Variants in ADAMTSL1 observed in about 807,000 individuals in gnomAD.
ADAMTSL1 encodes the protein ADAMTS like 1.
Under a neutral mutation model 201.8 loss-of-function variants are expected in ADAMTSL1, and 126 were observed. That is an observed-to-expected ratio of 0.62 (90% CI 0.54 to 0.72). The LOEUF (loss-of-function observed/expected upper bound fraction) is 0.72, where lower values mean the gene tolerates loss of function less well. ADAMTSL1 is among the 30% of genes least tolerant of loss of function. ADAMTSL1 has a pLI of 0.00. For synonymous variants in ADAMTSL1, 1,121 were observed against 903.4 expected (o/e 1.24, Z -4.32); for missense variants, 2,679 against 2,277.8 (o/e 1.18, Z -3.59).
At chr9:18,494,208 T>C (rs1304888092) in intron 1 of ADAMTSL1, among the ~76,000 whole-genome samples, 10 of 151,988 alleles carry the variant, frequency 6.6e-5, no homozygotes, top group Non-Finnish European at 1.3e-4. Context: ...ATACAAAAAT[T>C]ACCCGGGCAT....
intron 1 of ADAMTSL1, among the ~76,000 whole-genome samples, chr9:18,058,726 A>G (rs1447552330): frequency 6.6e-6 from 1 of 152,180 alleles, no homozygotes; most frequent in East Asian, 1.9e-4. Flanking sequence ...CAGAGAGACT[A>G]TATTAAAACA....
chr9:18,734,387 C>G (rs1818392234), intron 15 of ADAMTSL1, among the ~76,000 whole-genome samples: 1 of 152,084 alleles, frequency 6.6e-6, no homozygotes, highest in Non-Finnish European at 1.5e-5. Context: ...CAGTCTAGAC[C>G]AAGAATGCCC....
chr9:18,058,657 A>G (rs979312855), intron 1 of ADAMTSL1, among the ~76,000 whole-genome samples: 3 of 151,808 alleles, frequency 2.0e-5, no homozygotes, highest in Non-Finnish European at 3.0e-5. Flanking sequence ...GACCCATGAA[A>G]TAGGTCTCAC....
intron 3 of ADAMTSL1, among the ~76,000 whole-genome samples, chr9:18,573,660 C>G (rs529977440): frequency 8.0e-4 from 122 of 152,228 alleles, no homozygotes; most frequent in African/African-American, 2.8e-3. Flanking sequence ...TTCAACTAAT[C>G]CTCTGACTTT....
Position 18,519,333 on chromosome 9 carries a change from A to G in ADAMTSL1, c.192-13914A>G, listed in dbSNP as rs1818544838. On this transcript the variant is annotated intron_variant, in intron 2 of 28. Transcript: ENST00000380548. ...TTACTGAGTTAAACATAGGGTAAGA[A>G]CCTAGTGTAGTGCTCGAGGGAGCAG... 2.0e-5 allele frequency among the ~76,000 whole-genome samples: 3 copies of G among 152,328 alleles called. 1 individual carries two copies. The South Asian group carries it at 6.2e-4, about 32-fold the overall frequency.
chr9:18,470,593 A>G (rs1002568696), upstream of ADAMTSL1, among the ~76,000 whole-genome samples: 2 of 152,076 alleles, frequency 1.3e-5, no homozygotes, highest in African/African-American at 4.8e-5. Context: ...TCCCCTATAC[A>G]CTGGTTTCTG....
chr9:18,107,582 T>C (rs575750859), intron 1 of ADAMTSL1, among the ~76,000 whole-genome samples: 141 of 152,212 alleles, frequency 9.3e-4, no homozygotes, highest in Non-Finnish European at 1.8e-3. Flanking sequence ...CTCTGGGACT[T>C]GAAAAGGATA....
At chr9:18,178,780 A>T (rs537834587) in intron 2 of ADAMTSL1, among the ~76,000 whole-genome samples, 1 of 152,158 alleles carries the variant, frequency 6.6e-6, no homozygotes, top group Non-Finnish European at 1.5e-5. Context: ...GACACCTCAC[A>T]TGGCCAGGTA....
intron 16 of ADAMTSL1, among the ~76,000 whole-genome samples, chr9:18,769,194 CA>C (rs1399329493): frequency 2.0e-5 from 3 of 152,068 alleles, no homozygotes; most frequent in Non-Finnish European, 2.9e-5. Flanking sequence ...TGACTGCCGG[CA>C]AAAAACCCCA....
rs116636582 is a variant in ADAMTSL1 at position 18,610,957 on chromosome 9, G to A, written c.475-11286G>A. Among the ~76,000 whole-genome samples, 378 of 152,156 alleles carry A rather than the reference G, an allele frequency of 2.5e-3. 2 individuals carry two copies. The highest frequency in any genetic ancestry group is 8.4e-3 in the African/African-American group (347 of 41,494). On this transcript the variant is annotated intron_variant, in intron 4 of 28. Coordinates refer to ENST00000380548, the MANE Select transcript of ADAMTSL1 (RefSeq NM_001040272.6). ...AATATAAATTTCCAGAAAAATTTTC[G>A]GAGGTACACGTGTGAGTTCCAGCCA...
At chr9:18,564,124 C>T (rs1207529752) in intron 3 of ADAMTSL1, among the ~76,000 whole-genome samples, 1 of 152,192 alleles carries the variant, frequency 6.6e-6, no homozygotes, top group African/African-American at 2.4e-5. Context: ...GTGCTTGAAA[C>T]CCTGGGCCCT....
chr9:18,166,904 C>G (rs947065625), intron 2 of ADAMTSL1, among the ~76,000 whole-genome samples: 5 of 151,910 alleles, frequency 3.3e-5, no homozygotes, highest in African/African-American at 1.2e-4. Context: ...TCAATCCCTT[C>G]TCAACGAGGA....
At chr9:18,228,145 A>G (rs1157915972) in intron 2 of ADAMTSL1, among the ~76,000 whole-genome samples, 1 of 152,218 alleles carries the variant, frequency 6.6e-6, no homozygotes, top group Non-Finnish European at 1.5e-5. Flanking sequence ...TGGAGGATAC[A>G]AAACCTTTTT....
chr9:17,916,637 T>C (rs981872231), intron 1 of ADAMTSL1, among the ~76,000 whole-genome samples: 3 of 152,204 alleles, frequency 2.0e-5, no homozygotes, highest in African/African-American at 7.2e-5. Context: ...TAGGTCTATT[T>C]TTGGATTCTC....
intron 12 of ADAMTSL1, among the ~76,000 whole-genome samples, chr9:18,682,238 G>T (rs1452790354): frequency 6.6e-6 from 1 of 152,168 alleles, no homozygotes; most frequent in Non-Finnish European, 1.5e-5. Context: ...GGATGTACCT[G>T]CTTAAAGGGA....
intron 23 of ADAMTSL1, among the ~76,000 whole-genome samples, chr9:18,851,185 T>C (rs974959867): frequency 6.6e-6 from 1 of 152,134 alleles, no homozygotes; most frequent in Non-Finnish European, 1.5e-5. Flanking sequence ...TGCCAAGCTC[T>C]CGATGGGAGC....
intron 1 of ADAMTSL1, among the ~76,000 whole-genome samples, chr9:18,009,866 C>A (rs1201915070): frequency 6.6e-6 from 1 of 152,026 alleles, no homozygotes; most frequent in African/African-American, 2.4e-5. Flanking sequence ...GATATAGGTA[C>A]TCAGTCACAA....
chr9:18,775,656 C>T, intron 17 of ADAMTSL1, 87 bp from the exon 18 acceptor site: 2 of 1,506,978 alleles, frequency 1.3e-6, no homozygotes, highest in Non-Finnish European at 1.8e-6. Flanking sequence ...GCAAATTTCT[C>T]ATATTTTGAT....
intron 2 of ADAMTSL1, among the ~76,000 whole-genome samples, chr9:18,361,141 C>T (rs1291055278): frequency 6.6e-6 from 1 of 152,050 alleles, no homozygotes; most frequent in Non-Finnish European, 1.5e-5. Context: ...GACAGGTTTA[C>T]ATTTTACAGC....
Sources: allele counts gnomAD v4.1 joint callset (sites outside exome capture counted in the v4.1 genomes callset), GRCh38; gene constraint gnomAD v4.1.1; transcripts MANE v1.5; gene names NCBI Gene and HGNC (gene_info 2026-07-23, HGNC 2026-07-21).